Variants in ABCB1 observed in about 807,000 individuals in gnomAD.
ABCB1 encodes ATP-dependent translocase ABCB1.
Under a neutral mutation model 142.0 loss-of-function variants are expected in ABCB1, and 69 were observed. The observed-to-expected ratio is 0.49, with a 90% confidence interval of 0.40 to 0.59. The LOEUF (loss-of-function observed/expected upper bound fraction) is 0.59. Among genes scored for constraint, ABCB1 ranks in the 20% least tolerant of loss-of-function variants. ABCB1 has a pLI of 0.00. For synonymous variants in ABCB1, 532 were observed against 539.2 expected (o/e 0.99, Z 0.18); for missense variants, 1,326 against 1,554.7 (o/e 0.85, Z 2.47).
chr7:87,504,319 G>A lies in ABCB1; in HGVS notation c.3767C>T (p.Thr1256Met), dbSNP rs35721439. ...FQNGRVKEHG[T>M]HQQLLAQKGI... is the part of the protein sequence containing the mutation. ...TTTCTGTGCCAGCAGCTGCTGATGC[G>A]TGCCATGCTCCTTGACTCTGCCATT... Residue 1256 changes from threonine (T) to methionine (M), a missense_variant, in exon 28 of 28, where the codon ACG (threonine) becomes ATG (methionine). By Grantham distance (81) the Thr-to-Met change is moderately conservative. Transcript: ENST00000622132. 11 of 1,613,898 alleles carry A rather than the reference G, an allele frequency of 6.8e-6. No homozygotes were observed. The highest frequency in any genetic ancestry group is 1.7e-5 in the Admixed American group (1 of 60,000).
intron 21 of ABCB1, among the ~76,000 whole-genome samples, chr7:87,526,648 G>A (rs1473824247): frequency 6.6e-6 from 1 of 152,102 alleles, no homozygotes; most frequent in Admixed American, 6.6e-5. Context: ...GGGTGGCCAG[G>A]AGCATTGTCT....
intron 4 of ABCB1, among the ~76,000 whole-genome samples, chr7:87,576,153 T>C (rs1448947025): frequency 1.3e-5 from 2 of 151,808 alleles, no homozygotes; most frequent in Non-Finnish European, 2.9e-5. Flanking sequence ...TATCTGTATA[T>C]TGATCTTTTT....
At chr7:87,533,184 T>A (rs1371791794) in intron 20 of ABCB1, among the ~76,000 whole-genome samples, 2 of 152,194 alleles carry the variant, frequency 1.3e-5, no homozygotes, top group East Asian at 3.9e-4. Flanking sequence ...AGTTTGAAGG[T>A]CAAAGGATGC....
In ABCB1 at chr7:87,516,569, G is replaced by T. The variant is rs200944013; in HGVS notation, c.3024C>A (p.Ile1008=). ...YAKAKISAAH[I]IMIIEKTPLI... is the part of the protein sequence containing the mutation. ...AAGGGGTTTTTTCAATGATCATGAT[G>T]ATGTGGGCTGCTGATATTTTGGCTT... is the stretch of plus-strand genomic sequence containing the variant. The change falls in exon 24 of 28, where the codon ATC becomes ATA. Residue 1008 remains isoleucine (I), a synonymous_variant. Coordinates refer to ENST00000622132, the MANE Select transcript of ABCB1 (RefSeq NM_001348946.2). 12 of 1,614,084 alleles carry T rather than the reference G, an allele frequency of 7.4e-6. No individual in the cohort carries two copies. Among genetic ancestry groups the T allele is most frequent in the Middle Eastern group, 1.6e-4 (1 of 6,084 alleles).
intron 1 of ABCB1, among the ~76,000 whole-genome samples, chr7:87,630,001 TAA>T (rs1190334708): frequency 6.6e-6 from 1 of 152,174 alleles, no homozygotes; most frequent in Non-Finnish European, 1.5e-5. Flanking sequence ...ATATTTTCTT[TAA>T]GTCTTATATC....
chr7:87,630,157 A>AC (rs1821068877), intron 1 of ABCB1, among the ~76,000 whole-genome samples: 1 of 152,166 alleles, frequency 6.6e-6, no homozygotes, highest in Non-Finnish European at 1.5e-5. Flanking sequence ...ATGATGATGA[A>AC]ACTTTTTCTT....
chr7:87,543,646 C>T (rs925841094), intron 17 of ABCB1, among the ~76,000 whole-genome samples: 1 of 152,068 alleles, frequency 6.6e-6, no homozygotes, highest in South Asian at 2.1e-4. Flanking sequence ...TTTAGGAAGC[C>T]GTTCCTATTT....
At chr7:87,657,827 G>C (rs1483832767) in intron 1 of ABCB1, among the ~76,000 whole-genome samples, 1 of 152,076 alleles carries the variant, frequency 6.6e-6, no homozygotes, top group Non-Finnish European at 1.5e-5. Flanking sequence ...TGCCCTTATT[G>C]GGTGTCAGTG....
intron 1 of ABCB1, among the ~76,000 whole-genome samples, chr7:87,652,245 A>T (rs924164996): frequency 1.3e-5 from 2 of 152,082 alleles, no homozygotes; most frequent in African/African-American, 4.8e-5. Flanking sequence ...TGATTCTCTC[A>T]CAAAAACTAT....
At chr7:87,628,854 G>A (rs771770674) in intron 1 of ABCB1, 1 of 1,273,804 alleles carries the variant, frequency 7.9e-7, no homozygotes, top group East Asian at 3.0e-5. Flanking sequence ...GGGCCTGAGC[G>A]GGATCCGCGG....
At chr7:87,604,437 T>C (rs958218282), upstream of ABCB1, among the ~76,000 whole-genome samples, 2 of 152,294 alleles carry the variant, frequency 1.3e-5, no homozygotes, top group Non-Finnish European at 2.9e-5. Flanking sequence ...AATATTGTTA[T>C]TGTGTTACAA....
intron 23 of ABCB1, 64 bp from the exon 24 acceptor site, chr7:87,516,729 TCC>T: frequency 4.3e-6 from 4 of 925,348 alleles, no homozygotes; most frequent in Non-Finnish European, 6.4e-6. Context: ...AAGCTGACAC[TCC>T]TTTTTTTTTT....
chr7:87,626,472 CAT>C lies in ABCB1; in HGVS notation c.-330-25396_-330-25395del, dbSNP rs200893807. ...TCATATATATGTGTCATATATGTGT[CAT>C]ATATATGTGTCATATATATGTGTCA... On this transcript the variant is annotated intron_variant, in intron 1 of 28. Coordinates refer to the ABCB1 transcript ENST00000265724. 4.8e-3 allele frequency among the ~76,000 whole-genome samples: 50 copies of C among 10,440 alleles called. 16 individuals carry two copies. Among genetic ancestry groups the C allele is most frequent in the South Asian group, 6.0e-3 (1 of 166 alleles). The allele number at this position is 10,440 out of a possible 152,430, so 6.8% of individuals were successfully genotyped here.
chr7:87,592,195 G>A (rs1563066987), intron 3 of ABCB1, among the ~76,000 whole-genome samples: 1 of 152,166 alleles, frequency 6.6e-6, no homozygotes, highest in African/African-American at 2.4e-5. Context: ...CAATGCCAAT[G>A]GGACAGATCC....
chr7:87,516,929 G>T (rs1038100178), intron 23 of ABCB1, among the ~76,000 whole-genome samples: 6 of 151,582 alleles, frequency 4.0e-5, no homozygotes, highest in Non-Finnish European at 8.8e-5. Flanking sequence ...AGAGATGGGG[G>T]TCTCCCTATA....
rs76859635 is a variant in ABCB1, at chr7:87,707,912, G to T, written c.-331+5249C>A. 0.014 allele frequency among the ~76,000 whole-genome samples: 2,087 copies of T among 152,006 alleles called. 203 individuals carry two copies. The East Asian group carries it at 0.24, about 18-fold the overall frequency. ...ATGTTTATATGAGTGAAACTGAGGA[G>T]AACTTCTAAATAACCCATGGATGAA... On this transcript the variant is annotated intron_variant, in intron 1 of 28. Coordinates refer to the ABCB1 transcript ENST00000265724.
intron 1 of ABCB1, among the ~76,000 whole-genome samples, chr7:87,685,864 A>G (rs866643909): frequency 6.6e-6 from 1 of 152,332 alleles, no homozygotes; most frequent in African/African-American, 2.4e-5. Context: ...ACATTTTAAA[A>G]TGGGGAGGAT....
In ABCB1 at chr7:87,549,753, C is replaced by T. The variant is rs1816964043; in HGVS notation, c.1554+98G>A. 3.4e-6 allele frequency: 5 copies of T among 1,451,384 alleles called. No individual in the cohort carries two copies. The South Asian group carries it at 5.7e-5, about 17-fold the overall frequency. The allele number at this position is 1,451,384 out of a possible 1,614,324, so 89.9% of individuals were successfully genotyped here. The stretch of plus-strand genomic sequence containing the variant: ...TCTTACTTTCCCTTCTTAGGATTTC[C>T]CTTCTTCCGATTTATAGTAGTTTCC... On this transcript the variant is annotated intron_variant, in intron 13 of 27. Transcript: ENST00000622132.
intron 1 of ABCB1, among the ~76,000 whole-genome samples, chr7:87,687,082 A>G (rs1827540690): frequency 1.3e-5 from 2 of 152,234 alleles, no homozygotes; most frequent in Non-Finnish European, 1.5e-5. Flanking sequence ...GTATAATTTA[A>G]TCTGCTAATT....
Sources: allele counts gnomAD v4.1 joint callset (sites outside exome capture counted in the v4.1 genomes callset), GRCh38; gene constraint gnomAD v4.1.1; transcripts MANE v1.5; gene names NCBI Gene and HGNC (gene_info 2026-07-23, HGNC 2026-07-21).